GMIP: variants seen among roughly 807,000 people sequenced by gnomAD.
GMIP encodes the protein GEM-interacting protein.
A neutral mutation model predicts 105.3 loss-of-function variants in GMIP; 54 were observed. The ratio of observed to expected loss-of-function variants is 0.51; its 90% confidence interval spans 0.41 to 0.64. GMIP has a LOEUF of 0.64. Among genes scored for constraint, GMIP ranks in the 30% least tolerant of loss-of-function variants. GMIP has a pLI of 0.00. For synonymous variants in GMIP, 541 were observed against 560.8 expected, an observed-to-expected ratio of 0.96 and a Z score of 0.50; for missense variants, 1,110 against 1,319.4, an observed-to-expected ratio of 0.84 and a Z score of 2.46.
chr19:19,638,135 AG>A, intron 9 of GMIP, 23 bp downstream of exon 9: 2 of 1,572,866 alleles, frequency 1.3e-6, no homozygotes, highest in Non-Finnish European at 1.7e-6. Context: ...ACAGCGCTAC[AG>A]GGGCTCGGGG....
chr19:19,642,885 C>T (rs1224725275), intron 1 of GMIP, among the ~76,000 whole-genome samples: 1 of 152,048 alleles, frequency 6.6e-6, no homozygotes, highest in Non-Finnish European at 1.5e-5. Flanking sequence ...AACAGATGCC[C>T]CAGATGCAAC....
Position 19,635,089 on chromosome 19 carries a change from T to A in GMIP, c.1685A>T (p.Glu562Val). ...DFLQLPRDFP[E>V]EVPFVVTKCT... ...CTTCGTGACCACAAAGGGTACCTCCTCCGGGAAGTCCCTGGGTAGCTGCAG... is the reference window on the plus strand; with the variant it reads ...CTTCGTGACCACAAAGGGTACCTCCACCGGGAAGTCCCTGGGTAGCTGCAG... The change falls in exon 16 of 21, where the codon GAG becomes GTG. Residue 562 changes from glutamate (E) to valine (V), a missense_variant. Physicochemically the swap from Glu to Val is moderately radical, Grantham distance 121. Around this residue, in one of 3 missense-constraint regions of GMIP, gnomAD observed 667 missense variants for 773.2 expected, o/e 0.86. Coordinates refer to ENST00000203556, the MANE Select transcript of GMIP (RefSeq NM_016573.4). The surrounding 1 kb of genome is among the most constrained non-coding windows in gnomAD (Gnocchi z 4.7). 6.2e-7 allele frequency: 1 copy of A among 1,613,994 alleles called. No individual in the cohort carries two copies.
rs1372995944 is a variant in GMIP, at chr19:19,634,995, T to G, written c.1749+30A>C. 6.2e-7 allele frequency: 1 copy of G among 1,613,198 alleles called. No homozygotes were observed. The highest frequency in any genetic ancestry group is 1.3e-5 in the African/African-American group (1 of 74,892). On this transcript the variant is annotated intron_variant, in intron 16 of 20. Coordinates refer to ENST00000203556, the MANE Select transcript of GMIP (RefSeq NM_016573.4). The surrounding 1 kb of genome is among the most constrained non-coding windows in gnomAD (Gnocchi z 6.1). ...AGGCCATCGATTCGGTCAGGTCACTTCTGGGGATGATGAAGGGTCAGGGCA... is the reference window on the plus strand; with the variant it reads ...AGGCCATCGATTCGGTCAGGTCACTGCTGGGGATGATGAAGGGTCAGGGCA...
intron 19 of GMIP, among the ~76,000 whole-genome samples, chr19:19,631,580 C>T (rs1360018212): frequency 6.6e-6 from 1 of 152,222 alleles, no homozygotes; most frequent in Non-Finnish European, 1.5e-5. Context: ...AGCAAGATAC[C>T]AGCAGCACAG....
chr19:19,637,657 T>G lies in GMIP; in HGVS notation c.928-96A>C. On this transcript the variant is annotated intron_variant, in intron 10 of 20. Transcript: ENST00000203556. The surrounding 1 kb of genome is among the most constrained non-coding windows in gnomAD (Gnocchi z 6.7). ...CGGGGCTTGAGAGACGCGAACGTGG[T>G]CAGGGTTTGGGACGCACCTGGGCGG... 1 of 1,097,116 alleles carries G rather than the reference T, an allele frequency of 9.1e-7. No individual in the cohort carries two copies. The highest frequency in any genetic ancestry group is 1.3e-6 in the Non-Finnish European group (1 of 798,498). 68.0% of individuals were successfully genotyped at this position (1,097,116 alleles called of 1,614,324 possible).
rs1161201757 is a variant in GMIP at position 19,629,734 on chromosome 19, C to T, written c.*229G>A. 22 of 564,786 alleles carry T rather than the reference C, an allele frequency of 3.9e-5. No individual in the cohort carries two copies. The South Asian group carries it at 4.3e-4, about 11-fold the overall frequency. 35.0% of individuals were successfully genotyped at this position (564,786 alleles called of 1,614,324 possible). A position where few individuals can be genotyped will look rare whatever the true frequency, so the allele number is the denominator to read the frequency against. ...CCTCTGAGCCCGAGTGGCCCTGATG[C>T]TTGGCAGTGACCTGTGTCTAGTGGG... On this transcript the variant is annotated 3_prime_UTR_variant, in exon 21 of 21. Transcript: ENST00000203556.
In GMIP at chr19:19,630,808, C is replaced by T. The variant is rs548039704; in HGVS notation, c.2473-271G>A. On this transcript the variant is annotated intron_variant, in intron 19 of 20. Coordinates refer to ENST00000203556, the MANE Select transcript of GMIP (RefSeq NM_016573.4). This position sits in a 1 kb window ranked among gnomAD's most constrained non-coding sequence, Gnocchi z 4.8. ...CCTACTCTGCACTGGGTGTGGACTA[C>T]CATTGAACTCCTCCTATGCACAGGG... Among the ~76,000 whole-genome samples, 1 of 152,300 alleles carries T rather than the reference C, an allele frequency of 6.6e-6. No individual in the cohort carries two copies. The highest frequency in any genetic ancestry group is 1.5e-5 in the Non-Finnish European group (1 of 68,030).
intron 1 of GMIP, 70 bp from the exon 2 acceptor site, chr19:19,642,689 C>A: frequency 1.5e-6 from 1 of 672,588 alleles, no homozygotes; most frequent in Non-Finnish European, 2.7e-6. Context: ...CAACCAGTCT[C>A]ATTTGGAGGG....
chr19:19,643,546 C>T lies in GMIP; in HGVS notation c.-17G>A, dbSNP rs780699205. On this transcript the variant is annotated 5_prime_UTR_variant, in exon 1 of 21. Coordinates refer to ENST00000203556, the MANE Select transcript of GMIP (RefSeq NM_016573.4). ...TGCGTCCATATCTGGGCCCGGGGATCGCTCTGCAGGGACCGGGATGGGGAT... is the reference window on the plus strand; with the variant it reads ...TGCGTCCATATCTGGGCCCGGGGATTGCTCTGCAGGGACCGGGATGGGGAT... 1 of 1,542,634 alleles carries T rather than the reference C, an allele frequency of 6.5e-7. No individual in the cohort carries two copies. The highest frequency in any genetic ancestry group is 8.8e-7 in the Non-Finnish European group (1 of 1,142,810).
Position 19,636,563 on chromosome 19 carries a change from T to TA in GMIP, c.1327+143dup, listed in dbSNP as rs561570950. The TA allele has an allele frequency of 2.9e-4, 186 of 649,840 alleles. 1 individual carries two copies. The East Asian group carries it at 4.8e-3, about 17-fold the overall frequency. The allele number at this position is 649,840 out of a possible 1,614,324, so 40.3% of individuals were successfully genotyped here. On this transcript the variant is annotated intron_variant, in intron 13 of 20. Coordinates refer to ENST00000203556, the MANE Select transcript of GMIP (RefSeq NM_016573.4). ...AATAAATAAATAATTTTTAAAAAGG[T>TA]AAAAAAAGAGGTTGAGGAAATAGGT...
In GMIP at chr19:19,637,553, C is replaced by A. The variant is rs2144858333; in HGVS notation, c.936G>T (p.Leu312=). The change falls in exon 11 of 21, where the codon CTG becomes CTT. Residue 312 remains leucine (L), a synonymous_variant. Coordinates refer to ENST00000203556, the MANE Select transcript of GMIP (RefSeq NM_016573.4). The surrounding 1 kb of genome is among the most constrained non-coding windows in gnomAD (Gnocchi z 6.7). The stretch of plus-strand genomic sequence containing the variant: ...GCGCCCCCCGCAGCCCGAAGAGACT[C>A]AGCGTCACCTGCCGGGTGGAGACAG... The part of the protein sequence containing the change: ...QGDEVLRRVT[L]SLFGLRGAQA... 1.3e-6 allele frequency: 2 copies of A among 1,525,908 alleles called. No homozygotes were observed. Among genetic ancestry groups the A allele is most frequent in the Non-Finnish European group, 1.8e-6 (2 of 1,141,694 alleles). The allele number at this position is 1,525,908 out of a possible 1,614,324, so 94.5% of individuals were successfully genotyped here.
chr19:19,636,627 A>G lies in GMIP; in HGVS notation c.1327+80T>C. 3 of 1,009,192 alleles carry G rather than the reference A, an allele frequency of 3.0e-6. No homozygotes were observed. The South Asian group carries it at 3.8e-5, about 13-fold the overall frequency. The allele number at this position is 1,009,192 out of a possible 1,614,324, so 62.5% of individuals were successfully genotyped here. A position where few individuals can be genotyped will look rare whatever the true frequency, so the allele number is the denominator to read the frequency against. On this transcript the variant is annotated intron_variant, in intron 13 of 20. Transcript: ENST00000203556. ...TAGGTCAGAGGTCAAAGATAGTTAA[A>G]GATTGAGGGTCAGAGCTTGGCCAGG...
At chr19:19,639,022 G>T (rs2061889295) in intron 7 of GMIP, among the ~76,000 whole-genome samples, 1 of 151,786 alleles carries the variant, frequency 6.6e-6, no homozygotes, top group Admixed American at 6.6e-5. Context: ...AGAGGTTGCA[G>T]TGAGCTGAGA....
In GMIP at chr19:19,634,331, TC is replaced by T; in HGVS notation, c.2085-142del. 9.6e-7 allele frequency: 1 copy of T among 1,037,512 alleles called. No homozygotes were observed. Among genetic ancestry groups the T allele is most frequent in the Non-Finnish European group, 1.4e-6 (1 of 719,898 alleles). The allele number at this position is 1,037,512 out of a possible 1,614,324, so 64.3% of individuals were successfully genotyped here. A position where few individuals can be genotyped will look rare whatever the true frequency, so the allele number is the denominator to read the frequency against. ...GTCGTCTGAGACCAGCAGCCACATA[TC>T]CAGAACTGGAGGTCAGGGGTCAGTA... is the stretch of plus-strand genomic sequence containing the variant. On this transcript the variant is annotated intron_variant, in intron 18 of 20. Coordinates refer to ENST00000203556, the MANE Select transcript of GMIP (RefSeq NM_016573.4). This position sits in a 1 kb window ranked among gnomAD's most constrained non-coding sequence, Gnocchi z 6.1.
At position 19,634,282 on chromosome 19, in the gene GMIP, G is replaced by A. The variant is rs2061827303; in HGVS notation, c.2085-92C>T. 7.4e-7 allele frequency: 1 copy of A among 1,355,040 alleles called. No homozygotes were observed. The highest frequency in any genetic ancestry group is 9.9e-7 in the Non-Finnish European group (1 of 1,010,858). The allele number at this position is 1,355,040 out of a possible 1,614,324, so 83.9% of individuals were successfully genotyped here. A position where few individuals can be genotyped will look rare whatever the true frequency, so the allele number is the denominator to read the frequency against. On this transcript the variant is annotated intron_variant, in intron 18 of 20. Transcript: ENST00000203556. The surrounding 1 kb of genome is among the most constrained non-coding windows in gnomAD (Gnocchi z 6.1). ...GGGACACGCAGGCCAGCCTAGAGGT[G>A]ACTTGCCCATGTCACAGGTGTAAGT... is the stretch of plus-strand genomic sequence containing the variant.
In GMIP at chr19:19,643,594, G is replaced by T; in HGVS notation, c.-65C>A. Reference sequence around the variant, plus strand: ...GATGGGGTCGCGCGCCGGCGGGGCCGAGCCCCGATTTCCTGCCGCCGCAGC... The same window carrying T: ...GATGGGGTCGCGCGCCGGCGGGGCCTAGCCCCGATTTCCTGCCGCCGCAGC... On this transcript the variant is annotated 5_prime_UTR_variant, in exon 1 of 21. Transcript: ENST00000203556. The T allele has an allele frequency of 7.1e-7, 1 of 1,417,548 alleles. No homozygotes were observed. Among genetic ancestry groups the T allele is most frequent in the East Asian group, 2.8e-5 (1 of 36,248 alleles). The allele number at this position is 1,417,548 out of a possible 1,614,324, so 87.8% of individuals were successfully genotyped here.
intron 1 of GMIP, chr19:19,643,096 C>T (rs2061940779): frequency 8.7e-6 from 2 of 228,722 alleles, no homozygotes; most frequent in East Asian, 1.8e-4. Context: ...TCGGACCCCG[C>T]CACATTTCTA....
chr19:19,638,007 C>T lies in GMIP; in HGVS notation c.840G>A (p.Ala280=). The part of the protein sequence containing the change: ...LYQACVREAN[A]RQQDLEIAKQ... ...TGGCGATCTCCAGGTCCTGCTGCCG[C>T]GCGTTGGCCTCGCGGACACAGGCCT... Residue 280 remains alanine (A), a synonymous_variant, in exon 10 of 21, where the codon GCG becomes GCA. Transcript: ENST00000203556. 1 of 1,609,460 alleles carries T rather than the reference C, an allele frequency of 6.2e-7. No individual in the cohort carries two copies. The highest frequency in any genetic ancestry group is 8.5e-7 in the Non-Finnish European group (1 of 1,178,584).
Position 19,638,441 on chromosome 19 carries a change from C to T in GMIP, c.579G>A (p.Lys193=), listed in dbSNP as rs1301937719. ...CCTTCATCCACTGCTCCTTGAACTC[C>T]TTCCGCCACTTCTCAATCTCAGTCC... is the stretch of plus-strand genomic sequence containing the variant. ...AKRTEIEKWR[K]EFKEQWMKEQ... The change falls in exon 8 of 21, where the codon AAG becomes AAA. Residue 193 remains lysine (K), a synonymous_variant. Coordinates refer to ENST00000203556, the MANE Select transcript of GMIP (RefSeq NM_016573.4). 2 of 1,614,196 alleles carry T rather than the reference C, an allele frequency of 1.2e-6. No homozygotes were observed. Among genetic ancestry groups the T allele is most frequent in the East Asian group, 2.2e-5 (1 of 44,876 alleles).
Sources: allele counts gnomAD v4.1 joint callset (sites outside exome capture counted in the v4.1 genomes callset), GRCh38; gene constraint gnomAD v4.1.1; regional missense constraint gnomAD v4.1.1; non-coding constraint Gnocchi (gnomAD v3.1); transcripts MANE v1.5; gene names NCBI Gene and HGNC (gene_info 2026-07-23, HGNC 2026-07-21).